Variants in NKAIN2 observed in about 807,000 individuals in gnomAD.
NKAIN2 encodes the protein sodium/potassium-transporting ATPase subunit beta-1-interacting protein 2.
A neutral mutation model predicts 32.6 loss-of-function variants in NKAIN2; 14 were observed. The ratio of observed to expected loss-of-function variants is 0.43; its 90% CI spans 0.28 to 0.67. The LOEUF is 0.67. Among genes scored for constraint, NKAIN2 ranks in the 30% least tolerant of loss-of-function variants. NKAIN2 has a pLI of 0.17. For missense variants in NKAIN2, 198 were observed against 258.3 expected (o/e 0.77, Z 1.60); for synonymous variants, 80 against 87.2 (o/e 0.92, Z 0.46).
chr6:124,205,609 T>A (rs922010571), intron 1 of NKAIN2, among the ~76,000 whole-genome samples: 1 of 151,688 alleles, frequency 6.6e-6, no homozygotes, highest in African/African-American at 2.4e-5. Context: ...ACAAAACTTC[T>A]ATTTTCATTC....
intron 3 of NKAIN2, among the ~76,000 whole-genome samples, chr6:124,538,996 A>G (rs1187310856): frequency 2.0e-5 from 3 of 152,150 alleles, no homozygotes. Context: ...CTTCTTAAAC[A>G]TACTTTTACA....
intron 1 of NKAIN2, among the ~76,000 whole-genome samples, chr6:124,112,399 G>A (rs1196962335): frequency 6.6e-6 from 1 of 152,030 alleles, no homozygotes; most frequent in African/African-American, 2.4e-5. Flanking sequence ...CTCATCTTCT[G>A]CCCTACATGG....
chr6:123,888,974 G>T (rs1467982565), intron 1 of NKAIN2, among the ~76,000 whole-genome samples: 4 of 152,106 alleles, frequency 2.6e-5, no homozygotes, highest in Admixed American at 1.3e-4. Context: ...ACAGCAGGGC[G>T]AGCTGTATCA....
At chr6:123,887,307 G>A (rs1282879861) in intron 1 of NKAIN2, among the ~76,000 whole-genome samples, 1 of 152,054 alleles carries the variant, frequency 6.6e-6, no homozygotes, top group Non-Finnish European at 1.5e-5. Context: ...GATATGACAT[G>A]CTATTGTTCT....
chr6:124,297,749 C>T (rs926212280), intron 2 of NKAIN2, among the ~76,000 whole-genome samples: 6 of 138,728 alleles, frequency 4.3e-5, no homozygotes, highest in African/African-American at 3.3e-5. Context: ...AAAGCCATGG[C>T]TTTCTCCGTG....
intron 1 of NKAIN2, among the ~76,000 whole-genome samples, chr6:124,027,726 A>C (rs1464975928): frequency 8.9e-6 from 1 of 112,764 alleles, no homozygotes; most frequent in African/African-American, 3.7e-5. Flanking sequence ...CAAATTAAAT[A>C]GTTCTTTATT....
chr6:124,472,351 C>T (rs761768785), intron 3 of NKAIN2, among the ~76,000 whole-genome samples: 1 of 152,118 alleles, frequency 6.6e-6, no homozygotes, highest in Non-Finnish European at 1.5e-5. Context: ...ATCCTATACT[C>T]AAGCACCACA....
intron 3 of NKAIN2, among the ~76,000 whole-genome samples, chr6:124,431,933 T>G (rs2114567104): frequency 6.6e-6 from 1 of 152,312 alleles, no homozygotes; most frequent in Middle Eastern, 3.4e-3. Context: ...GATACTGAAA[T>G]ATATCTGTAA....
At chr6:123,806,568 G>C (rs1773222804) in intron 1 of NKAIN2, among the ~76,000 whole-genome samples, 1 of 151,986 alleles carries the variant, frequency 6.6e-6, no homozygotes, top group Non-Finnish European at 1.5e-5. Context: ...TTTTCCTTTT[G>C]CTCTCAATAG....
intron 2 of NKAIN2, among the ~76,000 whole-genome samples, chr6:124,353,521 G>A (rs906477074): frequency 6.6e-6 from 1 of 152,140 alleles, no homozygotes; most frequent in African/African-American, 2.4e-5. Flanking sequence ...TTGGGAGGCC[G>A]AGACGGGCAG....
chr6:123,982,598 A>G (rs1161264536), intron 1 of NKAIN2, among the ~76,000 whole-genome samples: 4 of 152,164 alleles, frequency 2.6e-5, no homozygotes, highest in Non-Finnish European at 5.9e-5. Flanking sequence ...AACCGTACCA[A>G]GTGTAGGATT....
At chr6:124,324,592 T>A (rs561503231) in intron 2 of NKAIN2, among the ~76,000 whole-genome samples, 1 of 152,242 alleles carries the variant, frequency 6.6e-6, no homozygotes, top group South Asian at 2.1e-4. Context: ...TGGCTAGAAA[T>A]TCTAGTACTG....
At chr6:124,360,112 AG>A (rs1459613089) in intron 3 of NKAIN2, among the ~76,000 whole-genome samples, 1 of 152,190 alleles carries the variant, frequency 6.6e-6, no homozygotes, top group Non-Finnish European at 1.5e-5. Context: ...CTTGCATCCC[AG>A]GGATGAAGCC....
At chr6:124,606,457 T>G (rs1408404670) in intron 3 of NKAIN2, among the ~76,000 whole-genome samples, 1 of 152,072 alleles carries the variant, frequency 6.6e-6, no homozygotes, top group Non-Finnish European at 1.5e-5. Context: ...ATAGTATATA[T>G]ATTTTTAAAA....
intron 1 of NKAIN2, among the ~76,000 whole-genome samples, chr6:123,923,329 G>A (rs1388178111): frequency 6.6e-6 from 1 of 151,736 alleles, no homozygotes; most frequent in Non-Finnish European, 1.5e-5. Context: ...TATTAAAGTT[G>A]ACATCTGTAA....
chr6:124,023,113 C>A (rs1206962291), intron 1 of NKAIN2, among the ~76,000 whole-genome samples: 1 of 150,090 alleles, frequency 6.7e-6, no homozygotes, highest in African/African-American at 2.5e-5. Flanking sequence ...GTATATATTT[C>A]TTTTTATCAG....
At chr6:124,656,731 A>G (rs1784551660) in intron 3 of NKAIN2, among the ~76,000 whole-genome samples, 1 of 152,094 alleles carries the variant, frequency 6.6e-6, no homozygotes, top group African/African-American at 2.4e-5. Context: ...TCTTCTTAGA[A>G]ATCCTTGGAA....
chr6:124,635,268 T>G (rs74520581), intron 3 of NKAIN2, among the ~76,000 whole-genome samples: 1 of 152,016 alleles, frequency 6.6e-6, no homozygotes, highest in East Asian at 1.9e-4. Flanking sequence ...AAGGATAATA[T>G]CTATCATTAT....
intron 3 of NKAIN2, among the ~76,000 whole-genome samples, chr6:124,530,642 C>T (rs1779489013): frequency 6.6e-6 from 1 of 152,166 alleles, no homozygotes; most frequent in Admixed American, 6.5e-5. Flanking sequence ...CAAGTCCCAC[C>T]ATTTACTCTC....
Sources: allele counts gnomAD v4.1 joint callset (sites outside exome capture counted in the v4.1 genomes callset), GRCh38; gene constraint gnomAD v4.1.1; transcripts MANE v1.5; gene names NCBI Gene and HGNC (gene_info 2026-07-23, HGNC 2026-07-21).